Variants in ZBTB10 observed in about 807,000 individuals in gnomAD.
ZBTB10 encodes zinc finger and BTB domain containing 10, also known as zinc finger and BTB domain-containing protein 10.
A neutral mutation model predicts 76.4 loss-of-function variants in ZBTB10; 32 were observed. That is an observed-to-expected ratio of 0.42 (90% CI 0.32 to 0.56). ZBTB10 has a LOEUF of 0.56. ZBTB10 is among the 20% of genes least tolerant of loss of function. ZBTB10 has a pLI of 0.14. For synonymous variants in ZBTB10, 523 were observed against 432.9 expected (o/e 1.21, Z -2.58); for missense variants, 1,057 against 1,098.5 (o/e 0.96, Z 0.53).
chr8:80,500,077 A>G lies in ZBTB10; in HGVS notation c.1556A>G (p.Asp519Gly), dbSNP rs573473160. 18 of 1,613,982 alleles carry G rather than the reference A, an allele frequency of 1.1e-5. No homozygotes were observed. In the Admixed American group the frequency reaches 1.5e-4, roughly 13 times the overall value. Residue 519 changes from aspartate (D) to glycine (G), a missense_variant, in exon 2 of 6, where the codon GAT becomes GGT. This residue lies in a region of ZBTB10 where 306 missense variants were observed against 297.5 expected (regional missense o/e 1.03). Transcript: ENST00000455036. ...GCAAGTAATGTAAAGATTGAAAATG[A>G]TGGTTGTAATGTCGACGAGGGCCAA... The part of the protein sequence containing the change: ...NLASNVKIEN[D>G]GCNVDEGQIE...
rs533117472 is a variant in ZBTB10 at position 80,486,785 on chromosome 8, G to GGGC, written c.-9_-7dup. The GGGC allele has an allele frequency of 0.028, 38,604 of 1,381,654 alleles. 580 individuals carry two copies. Among genetic ancestry groups the GGGC allele is most frequent in the African/African-American group, 0.056 (3,609 of 64,814 alleles). 85.6% of individuals were successfully genotyped at this position (1,381,654 alleles called of 1,614,324 possible). Reference sequence around the variant, plus strand: ...GAGGCCGTGCGCGAGCCGGGGCACCGGGCGGCGGCGGCGGCGGCGCGCGCC... The same window carrying GGGC: ...GAGGCCGTGCGCGAGCCGGGGCACCGGGCGGCGGCGGCGGCGGCGGCGCGCGCC... On this transcript the variant is annotated 5_prime_UTR_variant, in exon 1 of 6. Transcript: ENST00000455036.
intron 1 of ZBTB10, among the ~76,000 whole-genome samples, chr8:80,488,765 C>T (rs1815548775): frequency 1.3e-5 from 2 of 152,136 alleles, no homozygotes; most frequent in South Asian, 4.1e-4. Context: ...TTTAAGGCAA[C>T]CTGTGGTGGT....
chr8:80,490,035 A>G (rs1021272168), intron 1 of ZBTB10, among the ~76,000 whole-genome samples: 2 of 152,200 alleles, frequency 1.3e-5, no homozygotes, highest in Non-Finnish European at 2.9e-5. Flanking sequence ...GGCAGAGTGC[A>G]ATCATTTTGT....
rs1037387490 is a variant in ZBTB10 at position 80,498,626 on chromosome 8, G to A, written c.973-868G>A. Among the ~76,000 whole-genome samples the A allele has an allele frequency of 3.3e-5, 5 of 152,190 alleles. No individual in the cohort carries two copies. The South Asian group carries it at 6.2e-4, about 19-fold the overall frequency. Reference sequence around the variant, plus strand: ...CTAACATTTGTAATACTGACTTATCGTTTAAGGAAAAGGCTCAGGGATAGT... The same window carrying A: ...CTAACATTTGTAATACTGACTTATCATTTAAGGAAAAGGCTCAGGGATAGT... On this transcript the variant is annotated intron_variant, in intron 1 of 5. Transcript: ENST00000455036.
At chr8:80,512,433 G>A (rs897161348) in intron 2 of ZBTB10, among the ~76,000 whole-genome samples, 3 of 152,052 alleles carry the variant, frequency 2.0e-5, no homozygotes, top group South Asian at 2.1e-4. Flanking sequence ...ATTTTCGGCC[G>A]GGTGCTGTGG....
At chr8:80,493,207 G>GCGCGCACACACACACACACACACACA (rs375071529) in intron 1 of ZBTB10, among the ~76,000 whole-genome samples, 1 of 125,244 alleles carries the variant, frequency 8.0e-6, no homozygotes, top group African/African-American at 3.1e-5. Flanking sequence ...GCGCGCGCGC[G>GCGCGCACACACACACACACACACACA]CACACACACA....
chr8:80,493,880 C>T (rs1465103734), intron 1 of ZBTB10, among the ~76,000 whole-genome samples: 2 of 152,172 alleles, frequency 1.3e-5, no homozygotes, highest in Non-Finnish European at 2.9e-5. Context: ...CTCCCTAACA[C>T]TCACAGGATT....
chr8:80,485,928 A>C, upstream of ZBTB10: 2 of 1,518,970 alleles, frequency 1.3e-6, no homozygotes, highest in Non-Finnish European at 1.8e-6. Context: ...GACACTCGCC[A>C]GCTGTTTGTC....
rs1455381978 is a variant in ZBTB10 at position 80,514,039 on chromosome 8, A to G, written c.1960+31A>G. 6 of 1,576,712 alleles carry G rather than the reference A, an allele frequency of 3.8e-6. No individual in the cohort carries two copies. In the South Asian group the frequency reaches 5.6e-5, roughly 15 times the overall value. ...TACAGTAAGATTTTAGCAACAGTACATTTAAGATTGGGAAGTGTTACATCT... is the reference window on the plus strand; with the variant it reads ...TACAGTAAGATTTTAGCAACAGTACGTTTAAGATTGGGAAGTGTTACATCT... On this transcript the variant is annotated intron_variant, in intron 3 of 5. Coordinates refer to ENST00000455036, the MANE Select transcript of ZBTB10 (RefSeq NM_001105539.3).
chr8:80,485,622 A>C (rs1366381599), upstream of ZBTB10: 3 of 549,806 alleles, frequency 5.5e-6, no homozygotes, highest in Non-Finnish European at 9.4e-6. Flanking sequence ...TTTCTGTGAA[A>C]TGACTACTGT....
chr8:80,490,899 ATTACTAT>A (rs1394525526), intron 1 of ZBTB10, among the ~76,000 whole-genome samples: 1 of 152,332 alleles, frequency 6.6e-6, no homozygotes, highest in East Asian at 1.9e-4. Flanking sequence ...GAGCTGAAAA[ATTACTAT>A]CGCCTGGTGA....
chr8:80,512,276 T>G (rs1816213477), intron 2 of ZBTB10, among the ~76,000 whole-genome samples: 1 of 152,250 alleles, frequency 6.6e-6, no homozygotes, highest in African/African-American at 2.4e-5. Context: ...TGCTTGTCTC[T>G]GCTGTCTCTC....
rs1815871654 is a variant in ZBTB10 at position 80,499,629 on chromosome 8, G to A, written c.1108G>A (p.Val370Ile). 2 of 1,613,832 alleles carry A rather than the reference G, an allele frequency of 1.2e-6. No individual in the cohort carries two copies. Among genetic ancestry groups the A allele is most frequent in the Non-Finnish European group, 1.7e-6 (2 of 1,179,868 alleles). The change falls in exon 2 of 6, where the codon GTA becomes ATA. Residue 370 changes from valine (V) to isoleucine (I), a missense_variant. This residue lies in a region of ZBTB10 where 86 missense variants were observed against 145.7 expected (regional missense o/e 0.59). Coordinates refer to ENST00000455036, the MANE Select transcript of ZBTB10 (RefSeq NM_001105539.3). ...KGILCDVSIVVSGKIFKAHKN... is the reference protein window; with the variant it reads ...KGILCDVSIVISGKIFKAHKN... ...TATTCTTTGTGATGTCAGCATTGTGGTAAGCGGAAAAATCTTCAAAGCTCA... is the reference window on the plus strand; with the variant it reads ...TATTCTTTGTGATGTCAGCATTGTGATAAGCGGAAAAATCTTCAAAGCTCA...
chr8:80,515,346 G>A (rs1426423633), intron 3 of ZBTB10, among the ~76,000 whole-genome samples: 1 of 152,178 alleles, frequency 6.6e-6, no homozygotes, highest in Non-Finnish European at 1.5e-5. Context: ...AACAGAGACA[G>A]TGAGGTACTT....
intron 1 of ZBTB10, among the ~76,000 whole-genome samples, chr8:80,492,116 A>T (rs533258759): frequency 6.6e-6 from 1 of 152,364 alleles, no homozygotes; most frequent in South Asian, 2.1e-4. Flanking sequence ...TTCACTGAGG[A>T]AAAATCGATT....
intron 1 of ZBTB10, among the ~76,000 whole-genome samples, chr8:80,498,573 C>T (rs1815844760): frequency 6.6e-6 from 1 of 152,170 alleles, no homozygotes; most frequent in African/African-American, 2.4e-5. Flanking sequence ...CACCTAGTCA[C>T]TGTATGAGGA....
intron 3 of ZBTB10, 82 bp downstream of exon 3, chr8:80,514,090 T>G: frequency 1.1e-4 from 138 of 1,255,324 alleles, no homozygotes; most frequent in Non-Finnish European, 1.4e-4. Flanking sequence ...GTAATTTCTC[T>G]TCCATAAGGG....
intron 1 of ZBTB10, among the ~76,000 whole-genome samples, chr8:80,494,922 C>CAAAAAAAAAAAAAAAAAAAAAAAAA (rs35629668): frequency 9.5e-6 from 1 of 105,222 alleles, no homozygotes. Flanking sequence ...GACACTGTCT[C>CAAAAAAAAAAAAAAAAAAAAAAAAA]AAAAAAAAAA....
chr8:80,486,469 A>G lies in ZBTB10; in HGVS notation c.-342A>G, dbSNP rs1187595885. 2 of 984,880 alleles carry G rather than the reference A, an allele frequency of 2.0e-6. No homozygotes were observed. Among genetic ancestry groups the G allele is most frequent in the Non-Finnish European group, 1.2e-6 (1 of 829,902 alleles). 61.0% of individuals were successfully genotyped at this position (984,880 alleles called of 1,614,324 possible). A position where few individuals can be genotyped will look rare whatever the true frequency, so the allele number is the denominator to read the frequency against. On this transcript the variant is annotated 5_prime_UTR_variant, in exon 1 of 6. Transcript: ENST00000455036. ...AGGGTCTCCCCGCACTCCGCTGCTC[A>G]ACTTCGAAGGCCTCGCTCGCTGCAG...
Sources: gnomAD v4.1 joint callset for allele counts (sites outside exome capture counted in the v4.1 genomes callset) on GRCh38, gnomAD v4.1.1 for gene constraint, gnomAD v4.1.1 regional missense constraint, MANE v1.5 for transcripts, NCBI Gene and HGNC (gene_info 2026-07-23, HGNC 2026-07-21) for gene names.